Variants in ANKFN1 observed in about 807,000 individuals in gnomAD.
ANKFN1 encodes ankyrin repeat and fibronectin type-III domain-containing protein 1.
In ANKFN1, 74 loss-of-function variants were observed where a neutral mutation model predicts 108.7. That is an observed-to-expected ratio of 0.68 (90% confidence interval 0.56 to 0.83). The LOEUF (loss-of-function observed/expected upper bound fraction) is 0.83. Ranked by LOEUF, ANKFN1 falls within the 40% of genes least tolerant of loss-of-function variation. The pLI, the probability that ANKFN1 is intolerant of heterozygous loss-of-function variation, is 0.00. For synonymous variants in ANKFN1, 547 were observed against 516.2 expected, an observed-to-expected ratio of 1.06 and a Z score of -0.81; for missense variants, 1,505 against 1,382.3, an observed-to-expected ratio of 1.09 and a Z score of -1.41.
intron 2 of ANKFN1, among the ~76,000 whole-genome samples, chr17:56,215,407 A>G (rs1460444575): frequency 6.6e-6 from 1 of 152,194 alleles, no homozygotes; most frequent in African/African-American, 2.4e-5. Flanking sequence ...CCCATTACCA[A>G]TAAGGTGAGC....
At chr17:56,211,235 G>C (rs944431813) in intron 1 of ANKFN1, among the ~76,000 whole-genome samples, 1 of 152,114 alleles carries the variant, frequency 6.6e-6, no homozygotes, top group Non-Finnish European at 1.5e-5. Flanking sequence ...TACGATTTCA[G>C]GTCTTAGATT....
At chr17:56,330,602 AC>A (rs1247920182) in intron 4 of ANKFN1, among the ~76,000 whole-genome samples, 1 of 152,154 alleles carries the variant, frequency 6.6e-6, no homozygotes, top group East Asian at 1.9e-4. Context: ...AGGTAGGGTA[AC>A]CAGCTCATTT....
At chr17:56,100,354 G>A (rs1410558277) in intron 4 of ANKFN1, among the ~76,000 whole-genome samples, 1 of 152,136 alleles carries the variant, frequency 6.6e-6, no homozygotes, top group Admixed American at 6.5e-5. Flanking sequence ...GATTGTTGTA[G>A]GTGATGAAAT....
At chr17:56,058,239 C>T (rs1598084787) in intron 4 of ANKFN1, among the ~76,000 whole-genome samples, 1 of 152,350 alleles carries the variant, frequency 6.6e-6, no homozygotes, top group Middle Eastern at 3.4e-3. Flanking sequence ...TCCTCTCTAA[C>T]TATGAAAGTC....
chr17:56,159,240 A>G (rs1909416515), intron 1 of ANKFN1, among the ~76,000 whole-genome samples: 1 of 152,166 alleles, frequency 6.6e-6, no homozygotes, highest in Non-Finnish European at 1.5e-5. Context: ...GAAGTGCGAC[A>G]TTTTGTTTTG....
In ANKFN1 at chr17:56,457,436, A is replaced by T. The variant is rs2049746383; in HGVS notation, c.1440+47A>T. On this transcript the variant is annotated intron_variant, in intron 13 of 20. Transcript: ENST00000682825. Reference sequence around the variant, plus strand: ...TTTTTCCCTACTTTGTACCAATGTTACTGCACAAAAATCTCTGAAACATTA... The same window carrying T: ...TTTTTCCCTACTTTGTACCAATGTTTCTGCACAAAAATCTCTGAAACATTA... The T allele has an allele frequency of 2.0e-6, 3 of 1,520,252 alleles. No individual in the cohort carries two copies. The African/African-American group carries it at 4.2e-5, about 21-fold the overall frequency. 94.2% of individuals were successfully genotyped at this position (1,520,252 alleles called of 1,614,324 possible). A position where few individuals can be genotyped will look rare whatever the true frequency, so the allele number is the denominator to read the frequency against.
At chr17:56,364,267 A>T (rs1441423436) in intron 6 of ANKFN1, among the ~76,000 whole-genome samples, 2 of 152,172 alleles carry the variant, frequency 1.3e-5, no homozygotes, top group African/African-American at 4.8e-5. Flanking sequence ...GCAAATGAAT[A>T]AGTGTTCTAA....
In ANKFN1 at chr17:56,372,685, T is replaced by C; in HGVS notation, c.641T>C (p.Leu214Pro). ...AGCCGAGCAATGCACCTCAACACAC[T>C]GGTCCAGGAAGCCCAGGAGAGGGTG... ...LESRAMHLNT[L>P]VQEAQERVSE... Residue 214 changes from leucine (L) to proline (P), a missense_variant, in exon 7 of 21, where the codon CTG (leucine) becomes CCG (proline). Transcript: ENST00000682825. 6.2e-7 allele frequency: 1 copy of C among 1,613,870 alleles called. No individual in the cohort carries two copies. The highest frequency in any genetic ancestry group is 8.5e-7 in the Non-Finnish European group (1 of 1,179,940).
chr17:56,155,328 CA>C (rs1277460440), intron 1 of ANKFN1, among the ~76,000 whole-genome samples: 1 of 152,202 alleles, frequency 6.6e-6, no homozygotes, highest in Non-Finnish European at 1.5e-5. Flanking sequence ...TATAGGCAAG[CA>C]AGCTACCTTT....
At chr17:56,178,317 A>G (rs1911364044) in intron 1 of ANKFN1, among the ~76,000 whole-genome samples, 1 of 152,228 alleles carries the variant, frequency 6.6e-6, no homozygotes, top group Non-Finnish European at 1.5e-5. Flanking sequence ...GGGGACATTC[A>G]TTTAAATATG....
At chr17:56,106,511 G>T (rs1905755289) in intron 4 of ANKFN1, among the ~76,000 whole-genome samples, 1 of 152,196 alleles carries the variant, frequency 6.6e-6, no homozygotes. Context: ...TTTGCGGATT[G>T]ATTTCACTGC....
intron 1 of ANKFN1, among the ~76,000 whole-genome samples, chr17:56,169,177 C>T (rs977235023): frequency 5.3e-5 from 8 of 152,154 alleles, no homozygotes; most frequent in Middle Eastern, 6.8e-3. Context: ...AAAGGAGAGG[C>T]GCAGAGGAAG....
At chr17:56,347,055 TG>T (rs1473255406) in intron 4 of ANKFN1, among the ~76,000 whole-genome samples, 11 of 151,714 alleles carry the variant, frequency 7.3e-5, no homozygotes, top group African/African-American at 9.7e-5. Flanking sequence ...CTATTTATTA[TG>T]TTTTTTTATT....
At chr17:56,407,267 C>T (rs929103019) in intron 8 of ANKFN1, among the ~76,000 whole-genome samples, 3 of 152,084 alleles carry the variant, frequency 2.0e-5, no homozygotes, top group Non-Finnish European at 2.9e-5. Context: ...AGAGAAATGA[C>T]GTAGGAGTAG....
At chr17:56,324,734 T>C (rs1171450494) in intron 3 of ANKFN1, among the ~76,000 whole-genome samples, 1 of 152,280 alleles carries the variant, frequency 6.6e-6, no homozygotes, top group East Asian at 1.9e-4. Flanking sequence ...TAGCAACACT[T>C]CCATGGACAA....
chr17:56,497,659 C>A (rs1184567327), intron 19 of ANKFN1, among the ~76,000 whole-genome samples: 1 of 152,058 alleles, frequency 6.6e-6, no homozygotes, highest in Non-Finnish European at 1.5e-5. Context: ...GAGAGATTAA[C>A]CTTGCATGAC....
At chr17:56,152,222 A>C (rs2143443873), upstream of ANKFN1, among the ~76,000 whole-genome samples, 1 of 150,894 alleles carries the variant, frequency 6.6e-6, no homozygotes. Flanking sequence ...GAGTAATATA[A>C]GAAGCTCACC....
chr17:56,167,568 C>G (rs1045582470), intron 1 of ANKFN1, among the ~76,000 whole-genome samples: 2 of 151,918 alleles, frequency 1.3e-5, no homozygotes, highest in South Asian at 4.2e-4. Context: ...GGTGAGTTAC[C>G]TGACTCCTGA....
At chr17:56,484,171 C>T (rs1449561234) in intron 18 of ANKFN1, among the ~76,000 whole-genome samples, 1 of 151,978 alleles carries the variant, frequency 6.6e-6, no homozygotes, top group African/African-American at 2.4e-5. Flanking sequence ...AACAAGTGGT[C>T]CAGTTTGGCT....
Sources: allele counts gnomAD v4.1 joint callset (sites outside exome capture counted in the v4.1 genomes callset), GRCh38; gene constraint gnomAD v4.1.1; transcripts MANE v1.5; gene names NCBI Gene and HGNC (gene_info 2026-07-23, HGNC 2026-07-21).